The following SIAH1 variants were observed in gnomAD, a reference collection of about 807,000 sequenced individuals.
SIAH1 encodes the protein E3 ubiquitin-protein ligase SIAH1.
A neutral mutation model predicts 20.0 loss-of-function variants in SIAH1; 2 were observed. The ratio of observed to expected loss-of-function variants is 0.10; its 90% CI spans 0.04 to 0.31. The LOEUF is 0.31. Ranked by LOEUF, SIAH1 falls within the 10% of genes least tolerant of loss-of-function variation. The pLI is 1.00. For synonymous variants in SIAH1, 118 were observed against 125.3 expected, an observed-to-expected ratio of 0.94 and a Z score of 0.39; for missense variants, 119 against 355.3, an observed-to-expected ratio of 0.33 and a Z score of 5.35.
At chr16:48,381,851 T>A (rs1205125048) in intron 1 of SIAH1, among the ~76,000 whole-genome samples, 2 of 152,162 alleles carry the variant, frequency 1.3e-5, no homozygotes, top group African/African-American at 4.8e-5. Flanking sequence ...TACGCCACTA[T>A]AATCTTTGGG....
At chr16:48,384,961 C>T (rs1270615157) in intron 1 of SIAH1, among the ~76,000 whole-genome samples, 32 of 145,736 alleles carry the variant, frequency 2.2e-4, no homozygotes, top group Admixed American at 6.8e-4. Context: ...GCCACCCCGC[C>T]GGGCCCGGGG....
chr16:48,362,249 A>C lies in SIAH1; in HGVS notation c.180T>G (p.Leu60=), dbSNP rs761104980. The C allele has an allele frequency of 6.2e-6, 10 of 1,614,218 alleles. No individual in the cohort carries two copies. In the East Asian group the frequency reaches 6.7e-5, roughly 11 times the overall value. The part of the protein sequence containing the change: ...PPILQCQSGH[L]VCSNCRPKLT... ...GCTTTGGGCGACAGTTGCTACAAAC[A>C]AGATGGCCACTCTGACATTGAAGAA... Residue 60 remains leucine (L), a synonymous_variant, in exon 2 of 2, where the codon CTT becomes CTG. Transcript: ENST00000394725. This position sits in a 1 kb window ranked among gnomAD's most constrained non-coding sequence, Gnocchi z 4.2.
intron 1 of SIAH1, among the ~76,000 whole-genome samples, chr16:48,373,111 C>T (rs981298312): frequency 7.2e-5 from 11 of 152,180 alleles, no homozygotes; most frequent in Non-Finnish European, 1.5e-4. Flanking sequence ...AAACCAGTCT[C>T]TCTGTTTCCA....
chr16:48,384,730 G>T (rs1246424520), intron 1 of SIAH1, among the ~76,000 whole-genome samples: 2 of 151,518 alleles, frequency 1.3e-5, no homozygotes, highest in Non-Finnish European at 3.0e-5. Context: ...GCGGGGAGGA[G>T]GGGGAGGGAG....
chr16:48,373,282 G>T (rs1179332628), intron 1 of SIAH1, among the ~76,000 whole-genome samples: 2 of 152,112 alleles, frequency 1.3e-5, no homozygotes, highest in Non-Finnish European at 2.9e-5. Context: ...CAATGCTCCA[G>T]ATTTGTCTGA....
Position 48,375,459 on chromosome 16 carries a change from G to A in SIAH1, c.-3+9745C>T, listed in dbSNP as rs146228498. On this transcript the variant is annotated intron_variant, in intron 1 of 1. Coordinates refer to ENST00000394725, the MANE Select transcript of SIAH1 (RefSeq NM_003031.4). ...GTTGGAGACCAGCCTGGCCAACATG[G>A]TGAAACTGTTTCTACTAAAAATACA... Among the ~76,000 whole-genome samples the A allele has an allele frequency of 9.7e-3, 1,478 of 152,186 alleles. 29 individuals carry two copies. Among genetic ancestry groups the A allele is most frequent in the African/African-American group, 0.034 (1,403 of 41,516 alleles).
chr16:48,385,780 GGGATGCGAGCCCCA>G (rs1961449226), upstream of SIAH1, among the ~76,000 whole-genome samples: 1 of 151,886 alleles, frequency 6.6e-6, no homozygotes, highest in Non-Finnish European at 1.5e-5. Flanking sequence ...GTCGCCCAGC[GGGATGCGAGCCCCA>G]GGCTGGCCGC....
chr16:48,365,885 T>G (rs1697328658), intron 1 of SIAH1: 2 of 1,235,132 alleles, frequency 1.6e-6, no homozygotes, highest in Non-Finnish European at 2.0e-6. Flanking sequence ...CAAGAGTTAC[T>G]GCAGGAGCCT....
chr16:48,379,239 T>C (rs892769123), intron 1 of SIAH1, among the ~76,000 whole-genome samples: 8 of 147,072 alleles, frequency 5.4e-5, no homozygotes, highest in African/African-American at 2.0e-4. Flanking sequence ...ACATGGGGGC[T>C]GGGGGGGCGA....
At chr16:48,385,748 C>T (rs1283410448), upstream of SIAH1, among the ~76,000 whole-genome samples, 2 of 151,918 alleles carry the variant, frequency 1.3e-5, no homozygotes, top group Admixed American at 6.5e-5. Flanking sequence ...GCCGCGTGAC[C>T]CCCCCGGCTC....
intron 1 of SIAH1, chr16:48,365,788 G>A (rs1434593578): frequency 1.5e-6 from 2 of 1,335,164 alleles, no homozygotes; most frequent in Non-Finnish European, 1.9e-6. Flanking sequence ...AGATTCACTG[G>A]GTAGGGTCCT....
At chr16:48,370,561 G>A (rs1371855704) in intron 1 of SIAH1, among the ~76,000 whole-genome samples, 3 of 152,298 alleles carry the variant, frequency 2.0e-5, no homozygotes, top group South Asian at 4.1e-4. Context: ...GCTCGTGCCT[G>A]TAATCCCAGC....
At chr16:48,373,706 T>C (rs756209282) in intron 1 of SIAH1, among the ~76,000 whole-genome samples, 1 of 152,194 alleles carries the variant, frequency 6.6e-6, no homozygotes, top group Non-Finnish European at 1.5e-5. Flanking sequence ...CTCCGTTTTA[T>C]ATCAGATGAC....
At chr16:48,365,943 T>C (rs12928880) in intron 1 of SIAH1, 315,922 of 1,201,928 alleles carry the variant, frequency 0.26, 44,756 homozygotes, top group Non-Finnish European at 0.29. Context: ...TGGGCCTGCG[T>C]TGGGAACGCC....
At chr16:48,377,623 G>C (rs1242114852) in intron 1 of SIAH1, among the ~76,000 whole-genome samples, 1 of 151,976 alleles carries the variant, frequency 6.6e-6, no homozygotes, top group African/African-American at 2.4e-5. Context: ...TTGAACTCCT[G>C]ACCTCAAGTG....
Position 48,365,662 on chromosome 16 carries a change from C to T in SIAH1, c.-2-3232G>A, listed in dbSNP as rs1413208692. ...AGGAAGCCTTTCCATCCCCAGGAGG[C>T]AACCACACCTCCCTGTGAGCTCAAA... On this transcript the variant is annotated intron_variant, in intron 1 of 1. Coordinates refer to ENST00000394725, the MANE Select transcript of SIAH1 (RefSeq NM_003031.4). 3.5e-6 allele frequency: 5 copies of T among 1,431,968 alleles called. No individual in the cohort carries two copies. In the African/African-American group the frequency reaches 7.2e-5, roughly 21 times the overall value. 88.7% of individuals were successfully genotyped at this position (1,431,968 alleles called of 1,614,324 possible).
rs866973534 is a variant in SIAH1, at chr16:48,361,473, C to T, written c.*107G>A. 9.2e-6 allele frequency: 10 copies of T among 1,089,196 alleles called. No individual in the cohort carries two copies. In the Middle Eastern group the frequency reaches 1.4e-3, roughly 151 times the overall value. 67.5% of individuals were successfully genotyped at this position (1,089,196 alleles called of 1,614,324 possible). On this transcript the variant is annotated 3_prime_UTR_variant, in exon 2 of 2. Coordinates refer to ENST00000394725, the MANE Select transcript of SIAH1 (RefSeq NM_003031.4). ...TTTCTTTTTATTTACCTTCATGTGT[C>T]TAGCTTCCACCTACCGAAAGAGTTT...
At chr16:48,381,425 A>G (rs1361331531) in intron 1 of SIAH1, among the ~76,000 whole-genome samples, 1 of 152,192 alleles carries the variant, frequency 6.6e-6, no homozygotes, top group Non-Finnish European at 1.5e-5. Flanking sequence ...AGGAGTTACA[A>G]ACTCATGGCC....
At chr16:48,379,577 C>T (rs937431015) in intron 1 of SIAH1, among the ~76,000 whole-genome samples, 1 of 152,202 alleles carries the variant, frequency 6.6e-6, no homozygotes, top group African/African-American at 2.4e-5. Flanking sequence ...TAACTTTTTA[C>T]TGAGCACCAC....
Sources: allele counts gnomAD v4.1 joint callset (sites outside exome capture counted in the v4.1 genomes callset), GRCh38; gene constraint gnomAD v4.1.1; non-coding constraint Gnocchi (gnomAD v3.1); transcripts MANE v1.5; gene names NCBI Gene and HGNC (gene_info 2026-07-23, HGNC 2026-07-21).